DOK6: variants seen among roughly 807,000 people sequenced by gnomAD.
The protein encoded by DOK6 is docking protein 6, also known as downstream of tyrosine kinase 6.
In DOK6, 22 loss-of-function variants were observed where a neutral mutation model predicts 44.0. That is an observed-to-expected ratio of 0.50 (90% CI 0.36 to 0.71). DOK6 has a LOEUF of 0.71. DOK6 is among the 30% of genes least tolerant of loss of function. The pLI, the probability that DOK6 is intolerant of heterozygous loss-of-function variation, is 0.00. For synonymous variants in DOK6, 166 were observed against 145.5 expected, an observed-to-expected ratio of 1.14 and a Z score of -1.01; for missense variants, 340 against 416.4, an observed-to-expected ratio of 0.82 and a Z score of 1.60.
At chr18:69,402,968 G>C (rs1287742013) in intron 1 of DOK6, among the ~76,000 whole-genome samples, 1 of 152,224 alleles carries the variant, frequency 6.6e-6, no homozygotes, top group Admixed American at 6.5e-5. Flanking sequence ...ACAGCTGTCA[G>C]CCAAGGGAGG....
At chr18:69,574,523 A>G (rs903300037) in intron 2 of DOK6, among the ~76,000 whole-genome samples, 6 of 152,016 alleles carry the variant, frequency 3.9e-5, no homozygotes, top group African/African-American at 1.4e-4. Context: ...AGTTTTGACA[A>G]AGTAAAATAA....
intron 1 of DOK6, among the ~76,000 whole-genome samples, chr18:69,468,835 AGACAC>A (rs1408623409): frequency 1.3e-5 from 2 of 152,240 alleles, no homozygotes; most frequent in African/African-American, 4.8e-5. Context: ...TAGAATATAA[AGACAC>A]GAACTTGAAT....
chr18:69,675,747 T>C (rs1985907099), intron 3 of DOK6, among the ~76,000 whole-genome samples: 1 of 152,148 alleles, frequency 6.6e-6, no homozygotes, highest in African/African-American at 2.4e-5. Flanking sequence ...ATACATAGCA[T>C]GTAAATTGGT....
Position 69,666,866 on chromosome 18 carries a change from C to A in DOK6, c.290-10868C>A, listed in dbSNP as rs146782454. 6.8e-3 allele frequency among the ~76,000 whole-genome samples: 1,028 copies of A among 152,274 alleles called. 6 individuals are homozygous for A. The highest frequency in any genetic ancestry group is 0.022 in the African/African-American group (926 of 41,538). ...CACAAGCTGTGTACTCAGCATGAGA[C>A]CAACTCAAGGGAGCTTTCCTCTGCA... On this transcript the variant is annotated intron_variant, in intron 3 of 7. Coordinates refer to ENST00000382713, the MANE Select transcript of DOK6 (RefSeq NM_152721.6).
chr18:69,751,236 C>T (rs12606050), intron 6 of DOK6, among the ~76,000 whole-genome samples: 106,797 of 152,006 alleles, frequency 0.7, 39,500 homozygotes, highest in East Asian at 0.84. Flanking sequence ...TCAAAATTAC[C>T]AAGTAAATTT....
chr18:69,418,108 C>A (rs1363755145), intron 1 of DOK6, among the ~76,000 whole-genome samples: 4 of 152,002 alleles, frequency 2.6e-5, no homozygotes, highest in African/African-American at 9.7e-5. Context: ...GCTTTTGAGG[C>A]CTTACTCAAG....
At chr18:69,452,264 A>G (rs1264878099) in intron 1 of DOK6, among the ~76,000 whole-genome samples, 1 of 150,110 alleles carries the variant, frequency 6.7e-6, no homozygotes, top group African/African-American at 2.5e-5. Context: ...ACAAACTACC[A>G]TCAGAGAATA....
At chr18:69,443,460 A>G (rs1204256169) in intron 1 of DOK6, among the ~76,000 whole-genome samples, 1 of 152,184 alleles carries the variant, frequency 6.6e-6, no homozygotes, top group Non-Finnish European at 1.5e-5. Context: ...CTACTAGGTG[A>G]TGATTCAATG....
rs552316570 is a variant in DOK6, at chr18:69,403,343, T to C, written c.66+2033T>C. ...TAACATAGGGCCCAAGGAAAGTGCA[T>C]TGATTGCTTCTTGGGTAACTATGGC... On this transcript the variant is annotated intron_variant, in intron 1 of 7. Transcript: ENST00000382713. 4.6e-5 allele frequency among the ~76,000 whole-genome samples: 7 copies of C among 152,280 alleles called. No homozygotes were observed. The South Asian group carries it at 1.2e-3, about 27-fold the overall frequency.
intron 5 of DOK6, chr18:69,721,173 C>T (rs185995460): frequency 2.6e-5 from 4 of 152,242 alleles, no homozygotes; most frequent in East Asian, 1.9e-4. Flanking sequence ...GAGCTCCCTG[C>T]GATAAAATGT....
intron 7 of DOK6, among the ~76,000 whole-genome samples, chr18:69,794,162 G>A (rs1485518267): frequency 1.3e-5 from 2 of 152,098 alleles, no homozygotes; most frequent in African/African-American, 4.8e-5. Flanking sequence ...CTTGGATCCT[G>A]CCTACTTTCC....
chr18:69,665,991 C>A lies in DOK6; in HGVS notation c.290-11743C>A, dbSNP rs1568327187. Reference sequence around the variant, plus strand: ...ACCTTGACTCTGAGATGCTTTCAACCATTCACAGGCTTTAAGAAAGGGCAT... The same window carrying A: ...ACCTTGACTCTGAGATGCTTTCAACAATTCACAGGCTTTAAGAAAGGGCAT... On this transcript the variant is annotated intron_variant, in intron 3 of 7. Transcript: ENST00000382713. 2.0e-5 allele frequency among the ~76,000 whole-genome samples: 3 copies of A among 152,242 alleles called. No homozygotes were observed. In the South Asian group the frequency reaches 6.2e-4, roughly 32 times the overall value.
chr18:69,436,942 C>T (rs562426585), intron 1 of DOK6, among the ~76,000 whole-genome samples: 6 of 152,246 alleles, frequency 3.9e-5, no homozygotes, highest in African/African-American at 1.4e-4. Flanking sequence ...TGTTTGTTGC[C>T]TGCATAAACG....
intron 4 of DOK6, among the ~76,000 whole-genome samples, chr18:69,695,338 A>C (rs1220978120): frequency 2.0e-5 from 3 of 152,218 alleles, no homozygotes; most frequent in Non-Finnish European, 4.4e-5. Context: ...AGCACACTGA[A>C]GTCTGAAAAA....
intron 3 of DOK6, among the ~76,000 whole-genome samples, chr18:69,625,082 C>T (rs1361412955): frequency 6.6e-6 from 1 of 152,070 alleles, no homozygotes; most frequent in African/African-American, 2.4e-5. Flanking sequence ...AACTAGTTCT[C>T]TTACTGTTTT....
chr18:69,425,114 A>G (rs1323544878), intron 1 of DOK6, among the ~76,000 whole-genome samples: 1 of 152,200 alleles, frequency 6.6e-6, no homozygotes, highest in East Asian at 1.9e-4. Flanking sequence ...ATGCCAGGCA[A>G]AAAGTGCAAG....
intron 5 of DOK6, among the ~76,000 whole-genome samples, chr18:69,713,345 CATT>C (rs1986810816): frequency 1.3e-5 from 2 of 152,182 alleles, no homozygotes; most frequent in Non-Finnish European, 2.9e-5. Context: ...TTTCTGTCAT[CATT>C]ATACCAAAAT....
At position 69,713,192 on chromosome 18, in the gene DOK6, C is replaced by T. The variant is rs533603225; in HGVS notation, c.599+14599C>T. Among the ~76,000 whole-genome samples the T allele has an allele frequency of 2.0e-5, 3 of 152,214 alleles. No homozygotes were observed. In the East Asian group the frequency reaches 5.8e-4, roughly 29 times the overall value. ...TATCGTTTTAAAATCATGATTAATCCAGTTGTGGGAAAAGCACAAAGAAAT... is the reference window on the plus strand; with the variant it reads ...TATCGTTTTAAAATCATGATTAATCTAGTTGTGGGAAAAGCACAAAGAAAT... On this transcript the variant is annotated intron_variant, in intron 5 of 7. Coordinates refer to ENST00000382713, the MANE Select transcript of DOK6 (RefSeq NM_152721.6).
chr18:69,731,795 A>T (rs980157503), intron 5 of DOK6, among the ~76,000 whole-genome samples: 15 of 152,244 alleles, frequency 9.9e-5, no homozygotes, highest in Non-Finnish European at 1.9e-4. Flanking sequence ...GTAACATGGC[A>T]GTTAAATTCA....
Sources: gnomAD v4.1 joint callset for allele counts (sites outside exome capture counted in the v4.1 genomes callset) on GRCh38, gnomAD v4.1.1 for gene constraint, MANE v1.5 for transcripts, NCBI Gene and HGNC (gene_info 2026-07-23, HGNC 2026-07-21) for gene names.